Variants in CSMD1 observed in about 807,000 individuals in gnomAD.
CSMD1 encodes the protein CUB and sushi domain-containing protein 1.
A neutral mutation model predicts 417.5 loss-of-function variants in CSMD1; 213 were observed. The ratio of observed to expected loss-of-function variants is 0.51; its 90% CI spans 0.46 to 0.57. The LOEUF (loss-of-function observed/expected upper bound fraction) is 0.57. Among genes scored for constraint, CSMD1 ranks in the 20% least tolerant of loss-of-function variants. CSMD1 has a pLI of 0.00. For missense variants in CSMD1, 6,923 were observed against 4,529.7 expected, an observed-to-expected ratio of 1.53 and a Z score of -15.17; for synonymous variants, 2,862 against 1,736.8, an observed-to-expected ratio of 1.65 and a Z score of -16.11.
At chr8:4,903,979 GT>G (rs1274526311) in intron 1 of CSMD1, among the ~76,000 whole-genome samples, 2 of 152,124 alleles carry the variant, frequency 1.3e-5, no homozygotes, top group African/African-American at 2.4e-5. Flanking sequence ...CTCATAAAGT[GT>G]AAAATCATAT....
chr8:3,354,821 C>A (rs1585043935), intron 21 of CSMD1, among the ~76,000 whole-genome samples: 3 of 85,536 alleles, frequency 3.5e-5, no homozygotes, highest in African/African-American at 6.2e-5. Flanking sequence ...CTATATATAT[C>A]TATAGATACA....
At chr8:3,473,754 G>A (rs74304366) in intron 11 of CSMD1, among the ~76,000 whole-genome samples, 2 of 152,104 alleles carry the variant, frequency 1.3e-5, no homozygotes, top group African/African-American at 4.8e-5. Context: ...CTGTATGGGT[G>A]TATCAGTCTA....
In CSMD1 at chr8:4,787,985, G is replaced by C. The variant is rs1797498911; in HGVS notation, c.86-150427C>G. 6 of 1,594,880 alleles carry C rather than the reference G, an allele frequency of 3.8e-6. No individual in the cohort carries two copies. The Admixed American group carries it at 6.9e-5, about 18-fold the overall frequency. On this transcript the variant is annotated intron_variant, in intron 1 of 69. Coordinates refer to ENST00000635120, the MANE Select transcript of CSMD1 (RefSeq NM_033225.6). ...GGCCATCAGGAGATCGAAGCCAACA[G>C]AAAGACAAACAGTGTTATCGGGATC... is the stretch of plus-strand genomic sequence containing the variant.
At chr8:3,109,816 CACAG>C (rs966888307) in intron 43 of CSMD1, among the ~76,000 whole-genome samples, 15 of 151,410 alleles carry the variant, frequency 9.9e-5, no homozygotes, top group African/African-American at 9.7e-5. Context: ...ACGTAAGCCA[CACAG>C]ACATACACAA....
chr8:4,314,035 A>G (rs1585213399), intron 3 of CSMD1, among the ~76,000 whole-genome samples: 1 of 150,882 alleles, frequency 6.6e-6, no homozygotes, highest in African/African-American at 2.4e-5. Context: ...AATAATAATA[A>G]TGATAATAAT....
intron 3 of CSMD1, among the ~76,000 whole-genome samples, chr8:4,377,139 A>T (rs1261896992): frequency 2.0e-5 from 3 of 151,936 alleles, no homozygotes; most frequent in Non-Finnish European, 2.9e-5. Context: ...TTTATTTTTC[A>T]TTTTTATGTG....
At chr8:3,576,878 C>T (rs1800172756) in intron 9 of CSMD1, among the ~76,000 whole-genome samples, 1 of 152,260 alleles carries the variant, frequency 6.6e-6, no homozygotes, top group Non-Finnish European at 1.5e-5. Flanking sequence ...AGTTGTAATA[C>T]CTTTATGTTG....
At chr8:3,310,275 C>CATTT (rs1805223524) in intron 23 of CSMD1, among the ~76,000 whole-genome samples, 1 of 152,200 alleles carries the variant, frequency 6.6e-6, no homozygotes, top group African/African-American at 2.4e-5. Flanking sequence ...ATTCAGTGCT[C>CATTT]ATTTCTGTTT....
intron 1 of CSMD1, among the ~76,000 whole-genome samples, chr8:4,718,231 C>A (rs1414441268): frequency 6.6e-6 from 1 of 152,320 alleles, no homozygotes; most frequent in East Asian, 1.9e-4. Flanking sequence ...CCTGTCTCAG[C>A]CTCCCAAAAT....
intron 8 of CSMD1, among the ~76,000 whole-genome samples, chr8:3,589,696 T>C (rs533409887): frequency 6.4e-4 from 98 of 152,310 alleles, no homozygotes; most frequent in African/African-American, 2.3e-3. Flanking sequence ...GCATGGTGAC[T>C]GTAGTTAATA....
chr8:4,561,356 G>A (rs539378896), intron 2 of CSMD1, among the ~76,000 whole-genome samples: 20 of 152,292 alleles, frequency 1.3e-4, no homozygotes, highest in African/African-American at 4.3e-4. Context: ...CCCGGTGACA[G>A]AATGAGACTC....
chr8:4,561,186 C>A (rs941470349), intron 2 of CSMD1, among the ~76,000 whole-genome samples: 5 of 152,058 alleles, frequency 3.3e-5, no homozygotes, highest in Admixed American at 6.5e-5. Flanking sequence ...CCTGGCCAAC[C>A]TGGTGAAACC....
chr8:4,772,882 T>C (rs1796668399), intron 1 of CSMD1, among the ~76,000 whole-genome samples: 1 of 152,188 alleles, frequency 6.6e-6, no homozygotes, highest in Admixed American at 6.5e-5. Context: ...TTTAATCCTG[T>C]TATTAATGAT....
At chr8:4,430,919 T>A (rs978451770) in intron 2 of CSMD1, among the ~76,000 whole-genome samples, 1 of 152,188 alleles carries the variant, frequency 6.6e-6, no homozygotes, top group East Asian at 1.9e-4. Flanking sequence ...CCATAAATTA[T>A]CTTAACAGTG....
chr8:4,378,413 G>A (rs748037153), intron 3 of CSMD1, among the ~76,000 whole-genome samples: 8 of 152,154 alleles, frequency 5.3e-5, no homozygotes, highest in Non-Finnish European at 7.4e-5. Flanking sequence ...TAAAACAGAA[G>A]AGCATGATAT....
intron 12 of CSMD1, among the ~76,000 whole-genome samples, chr8:3,411,680 A>ACGTATATATACACG (rs1812711450): frequency 1.4e-5 from 1 of 70,662 alleles, no homozygotes; most frequent in Admixed American, 1.3e-4. Context: ...GTGTATATAT[A>ACGTATATATACACG]CGTGTATATA....
At position 4,853,142 on chromosome 8, in the gene CSMD1, A is replaced by T. The variant is rs558771299; in HGVS notation, c.85+141190T>A. Among the ~76,000 whole-genome samples, 3 of 152,344 alleles carry T rather than the reference A, an allele frequency of 2.0e-5. No individual in the cohort carries two copies. In the South Asian group the frequency reaches 6.2e-4, roughly 32 times the overall value. ...GTGGAAGAATCCAAGTGGGCTATGG[A>T]GCAAACACTTTCTAGAGAGATTTGC... On this transcript the variant is annotated intron_variant, in intron 1 of 69. Coordinates refer to ENST00000635120, the MANE Select transcript of CSMD1 (RefSeq NM_033225.6).
intron 3 of CSMD1, among the ~76,000 whole-genome samples, chr8:4,163,971 G>T (rs1584939569): frequency 6.6e-6 from 1 of 152,110 alleles, no homozygotes; most frequent in Non-Finnish European, 1.5e-5. Flanking sequence ...ATTTTAGGGT[G>T]GTGATGTGGG....
At position 4,955,281 on chromosome 8, in the gene CSMD1, C is replaced by T. The variant is rs577714177; in HGVS notation, c.85+39051G>A. The stretch of plus-strand genomic sequence containing the variant: ...TCATCCTTAAAAACCAATAAAGTTG[C>T]ATAAACTTGTAATTAATTTGTATTT... On this transcript the variant is annotated intron_variant, in intron 1 of 69. Coordinates refer to ENST00000635120, the MANE Select transcript of CSMD1 (RefSeq NM_033225.6). Among the ~76,000 whole-genome samples the T allele has an allele frequency of 2.6e-5, 4 of 152,202 alleles. No homozygotes were observed. The East Asian group carries it at 7.7e-4, about 29-fold the overall frequency.
Sources: gnomAD v4.1 joint callset for allele counts (sites outside exome capture counted in the v4.1 genomes callset) on GRCh38, gnomAD v4.1.1 for gene constraint, MANE v1.5 for transcripts, NCBI Gene and HGNC (gene_info 2026-07-23, HGNC 2026-07-21) for gene names.